Variants in MECOM observed in about 807,000 individuals in gnomAD.
MECOM encodes MDS1 and EVI1 complex locus.
Under a neutral mutation model 116.3 loss-of-function variants are expected in MECOM, and 13 were observed. The ratio of observed to expected loss-of-function variants is 0.11; its 90% confidence interval spans 0.07 to 0.18. MECOM has a LOEUF of 0.18. MECOM is among the 10% of genes least tolerant of loss of function. The pLI is 1.00. For missense variants in MECOM, 1,299 were observed against 1,509.0 expected, an observed-to-expected ratio of 0.86 and a Z score of 2.31; for synonymous variants, 528 against 535.2, an observed-to-expected ratio of 0.99 and a Z score of 0.19.
At chr3:169,516,914 T>A (rs926879214) in intron 1 of MECOM, among the ~76,000 whole-genome samples, 1 of 152,112 alleles carries the variant, frequency 6.6e-6, no homozygotes, top group Non-Finnish European at 1.5e-5. Flanking sequence ...CGACAATAAA[T>A]ATTGCAACAT....
At chr3:169,587,629 C>T (rs11721111) in intron 1 of MECOM, among the ~76,000 whole-genome samples, 15,350 of 151,960 alleles carry the variant, frequency 0.1, 1,087 homozygotes, top group South Asian at 0.22. Context: ...TATCCTGTAC[C>T]GGAACCATGC....
chr3:169,199,131 C>G (rs1208661373), intron 2 of MECOM, among the ~76,000 whole-genome samples: 1 of 151,910 alleles, frequency 6.6e-6, no homozygotes, highest in East Asian at 1.9e-4. Flanking sequence ...CTTATTAAAC[C>G]CCAAAGAATA....
chr3:169,345,748 T>C (rs1440094343), intron 2 of MECOM, among the ~76,000 whole-genome samples: 1 of 152,112 alleles, frequency 6.6e-6, no homozygotes, highest in East Asian at 1.9e-4. Context: ...CTTTAAGCTA[T>C]GTGCACACAA....
At chr3:169,491,440 T>C (rs141326645) in intron 1 of MECOM, among the ~76,000 whole-genome samples, 93 of 152,232 alleles carry the variant, frequency 6.1e-4, no homozygotes, top group Non-Finnish European at 1.1e-3. Flanking sequence ...ATAAATTTTA[T>C]ATACATACAG....
At chr3:169,465,509 T>C (rs1205829411) in intron 1 of MECOM, among the ~76,000 whole-genome samples, 2 of 152,202 alleles carry the variant, frequency 1.3e-5, no homozygotes, top group African/African-American at 4.8e-5. Context: ...CAAAGCCAGA[T>C]AAATGGCCAA....
intron 1 of MECOM, among the ~76,000 whole-genome samples, chr3:169,445,959 T>A (rs1744558607): frequency 6.6e-6 from 1 of 152,208 alleles, no homozygotes; most frequent in African/African-American, 2.4e-5. Context: ...CCATTTGGAA[T>A]GGCTGTATTT....
chr3:169,378,461 G>GAAA (rs1560196924), intron 2 of MECOM, among the ~76,000 whole-genome samples: 1 of 47,690 alleles, frequency 2.1e-5, no homozygotes, highest in Non-Finnish European at 3.6e-5. Context: ...AGGAAAGCAA[G>GAAA]CAAGCAAGCA....
At chr3:169,113,281 C>T (rs7610649) in intron 8 of MECOM, among the ~76,000 whole-genome samples, 96,080 of 151,640 alleles carry the variant, frequency 0.63, 30,629 homozygotes, top group Admixed American at 0.68. Context: ...GGTGTTCTCC[C>T]AAATGTGCAC....
chr3:169,125,660 A>C (rs935286888), intron 5 of MECOM, among the ~76,000 whole-genome samples: 4 of 152,164 alleles, frequency 2.6e-5, no homozygotes, highest in Non-Finnish European at 5.9e-5. Flanking sequence ...CATTTTCACA[A>C]AAGTAAATGT....
At chr3:169,419,513 A>C (rs56195275) in intron 1 of MECOM, among the ~76,000 whole-genome samples, 27,717 of 152,178 alleles carry the variant, frequency 0.18, 3,081 homozygotes, top group Non-Finnish European at 0.25. Context: ...GGCTACAGTA[A>C]CCAAATCAGC....
At chr3:169,384,623 A>C (rs959512222) in intron 1 of MECOM, among the ~76,000 whole-genome samples, 1 of 152,220 alleles carries the variant, frequency 6.6e-6, no homozygotes, top group African/African-American at 2.4e-5. Context: ...TTTCTTGAGA[A>C]ATATAAATTG....
At chr3:169,545,323 A>G (rs1760597106) in intron 1 of MECOM, among the ~76,000 whole-genome samples, 1 of 152,194 alleles carries the variant, frequency 6.6e-6, no homozygotes, top group African/African-American at 2.4e-5. Flanking sequence ...TGAAGTTTAA[A>G]AACCTAACAG....
rs145841243 is a variant in MECOM, at chr3:169,413,295, C to T, written c.38-31771G>A. 7.7e-4 allele frequency among the ~76,000 whole-genome samples: 117 copies of T among 152,210 alleles called. 1 individual carries two copies. Among genetic ancestry groups the T allele is most frequent in the African/African-American group, 2.6e-3 (106 of 41,534 alleles). On this transcript the variant is annotated intron_variant, in intron 1 of 16. Transcript: ENST00000651503. ...TTAGCCAAGGGAAGCCATGAGGGAC[C>T]GTGCCATGAGGGACTGTGATTTCTG...
Position 169,582,444 on chromosome 3 carries a change from G to A in MECOM, c.37+80892C>T, listed in dbSNP as rs187533632. Among the ~76,000 whole-genome samples the A allele has an allele frequency of 9.7e-4, 147 of 152,192 alleles. 2 individuals carry two copies. In the East Asian group the frequency reaches 0.026, roughly 27 times the overall value. On this transcript the variant is annotated intron_variant, in intron 1 of 16. Coordinates refer to ENST00000651503, the MANE Select transcript of MECOM (RefSeq NM_004991.4). Reference sequence around the variant, plus strand: ...GATGGGGAAAAACGGGAAAATGAACGCAGAGTGGTTAAAGAAAATGGGGAA... The same window carrying A: ...GATGGGGAAAAACGGGAAAATGAACACAGAGTGGTTAAAGAAAATGGGGAA...
At chr3:169,170,468 G>A (rs868489306) in intron 2 of MECOM, among the ~76,000 whole-genome samples, 4 of 149,812 alleles carry the variant, frequency 2.7e-5, no homozygotes, top group South Asian at 2.1e-4. Flanking sequence ...AGCAACCCTC[G>A]AATTACATTG....
intron 2 of MECOM, among the ~76,000 whole-genome samples, chr3:169,244,289 C>T (rs534642224): frequency 3.5e-4 from 54 of 152,266 alleles, no homozygotes; most frequent in Admixed American, 8.5e-4. Flanking sequence ...CTAATGTTGC[C>T]GTCGTTTACT....
At chr3:169,119,925 A>C (rs1206640887) in intron 7 of MECOM, among the ~76,000 whole-genome samples, 1 of 152,182 alleles carries the variant, frequency 6.6e-6, no homozygotes, top group Non-Finnish European at 1.5e-5. Context: ...AAGCTGGAAA[A>C]GGAAAGAAAA....
chr3:169,370,135 T>G (rs1381313083), intron 2 of MECOM, among the ~76,000 whole-genome samples: 1 of 151,982 alleles, frequency 6.6e-6, no homozygotes, highest in Non-Finnish European at 1.5e-5. Flanking sequence ...GAAATACTGT[T>G]ATTCAAAGAC....
intron 1 of MECOM, among the ~76,000 whole-genome samples, chr3:169,636,149 C>T (rs35728955): frequency 0.28 from 42,877 of 152,036 alleles, 6,357 homozygotes; most frequent in East Asian, 0.49. Flanking sequence ...TGCAGCCATC[C>T]ACTAGTCTCC....
Sources: allele counts gnomAD v4.1 joint callset (sites outside exome capture counted in the v4.1 genomes callset), GRCh38; gene constraint gnomAD v4.1.1; transcripts MANE v1.5; gene names NCBI Gene and HGNC (gene_info 2026-07-23, HGNC 2026-07-21).